Variants in LRMDA observed in about 807,000 individuals in gnomAD.
LRMDA encodes leucine-rich melanocyte differentiation-associated protein.
LRMDA carries 18 observed loss-of-function variants against 29.8 expected under a neutral mutation model. The observed-to-expected ratio is 0.60, with a 90% CI of 0.42 to 0.90. The LOEUF is 0.90. Among genes scored for constraint, LRMDA ranks in the 40% least tolerant of loss-of-function variants. LRMDA has a pLI of 0.00. For missense variants in LRMDA, 273 were observed against 273.9 expected (o/e 1.00, Z 0.02); for synonymous variants, 125 against 109.4 (o/e 1.14, Z -0.89).
At chr10:76,361,697 A>C (rs1443107382) in intron 6 of LRMDA, among the ~76,000 whole-genome samples, 1 of 152,218 alleles carries the variant, frequency 6.6e-6, no homozygotes, top group Non-Finnish European at 1.5e-5. Context: ...GAGCAAATGC[A>C]CCAAAGAACA....
chr10:76,250,872 A>G (rs746456019), intron 5 of LRMDA, among the ~76,000 whole-genome samples: 6 of 152,186 alleles, frequency 3.9e-5, no homozygotes, highest in Non-Finnish European at 5.9e-5. Context: ...CCTCTCTGCT[A>G]TCAATCAGAG....
intron 2 of LRMDA, among the ~76,000 whole-genome samples, chr10:75,648,178 G>A (rs1408074909): frequency 6.6e-6 from 1 of 152,094 alleles, no homozygotes; most frequent in Non-Finnish European, 1.5e-5. Flanking sequence ...GTTAGGCAGG[G>A]GCTGTTCTCT....
chr10:75,720,718 T>A (rs1842556300), intron 2 of LRMDA, among the ~76,000 whole-genome samples: 1 of 152,218 alleles, frequency 6.6e-6, no homozygotes. Flanking sequence ...ATCCTTTTAA[T>A]CACAGCTCGC....
intron 5 of LRMDA, among the ~76,000 whole-genome samples, chr10:76,234,168 G>A (rs1184296536): frequency 1.3e-5 from 2 of 152,198 alleles, no homozygotes; most frequent in East Asian, 1.9e-4. Flanking sequence ...GTGTGAGGAG[G>A]CATTAAAACA....
chr10:75,434,560 C>T (rs769466354), intron 1 of LRMDA, among the ~76,000 whole-genome samples: 10 of 152,192 alleles, frequency 6.6e-5, no homozygotes, highest in African/African-American at 1.4e-4. Context: ...GTTTCTACTC[C>T]GACAGCTTCC....
chr10:76,550,941 G>T (rs1168343878), intron 6 of LRMDA, among the ~76,000 whole-genome samples: 1 of 152,202 alleles, frequency 6.6e-6, no homozygotes. Context: ...GATAGCCACA[G>T]CAGAGCTGAT....
At chr10:75,629,609 A>T (rs1841297901) in intron 2 of LRMDA, among the ~76,000 whole-genome samples, 1 of 83,734 alleles carries the variant, frequency 1.2e-5, no homozygotes. Flanking sequence ...ATGAGCATTA[A>T]GTCCTCTTTT....
At chr10:76,378,808 C>T (rs1589157871) in intron 6 of LRMDA, among the ~76,000 whole-genome samples, 1 of 150,254 alleles carries the variant, frequency 6.7e-6, no homozygotes, top group Admixed American at 6.6e-5. Flanking sequence ...CATCTATGTA[C>T]ATCAGGAGTA....
At chr10:75,676,809 A>G (rs1164635120) in intron 2 of LRMDA, among the ~76,000 whole-genome samples, 2 of 152,026 alleles carry the variant, frequency 1.3e-5, no homozygotes, top group East Asian at 1.9e-4. Context: ...TACCTGACCA[A>G]TGTATCTCCA....
chr10:76,344,820 T>G (rs1841082384), intron 6 of LRMDA, among the ~76,000 whole-genome samples: 1 of 151,200 alleles, frequency 6.6e-6, no homozygotes, highest in African/African-American at 2.4e-5. Flanking sequence ...GGGGGACATA[T>G]AATAGGTATT....
At chr10:76,143,966 T>A (rs918456865) in intron 5 of LRMDA, among the ~76,000 whole-genome samples, 2 of 152,184 alleles carry the variant, frequency 1.3e-5, no homozygotes, top group Non-Finnish European at 2.9e-5. Context: ...CCCCATTGCT[T>A]GTTTTTGTCA....
chr10:75,960,368 A>C, intron 2 of LRMDA, among the ~76,000 whole-genome samples: 1 of 148,970 alleles, frequency 6.7e-6, no homozygotes, highest in East Asian at 1.9e-4. Context: ...AACAACAACA[A>C]AAAACCCACA....
intron 2 of LRMDA, chr10:75,783,019 A>G (rs747529873): frequency 5.6e-6 from 9 of 1,614,094 alleles, no homozygotes; most frequent in Non-Finnish European, 5.1e-6. Flanking sequence ...TCTTCAAATA[A>G]AAGGTTAGCC....
chr10:76,044,480 G>A (rs1848396123), intron 3 of LRMDA, among the ~76,000 whole-genome samples: 1 of 146,020 alleles, frequency 6.8e-6, no homozygotes, highest in African/African-American at 2.5e-5. Flanking sequence ...AGTAATGACT[G>A]TGAAGTATTT....
chr10:76,247,413 G>T (rs1852396345), intron 5 of LRMDA, among the ~76,000 whole-genome samples: 1 of 152,082 alleles, frequency 6.6e-6, no homozygotes, highest in Non-Finnish European at 1.5e-5. Flanking sequence ...TAGTTGAAGG[G>T]GACTGAGCAA....
chr10:76,121,778 A>G (rs577321571), intron 5 of LRMDA, among the ~76,000 whole-genome samples: 28 of 152,302 alleles, frequency 1.8e-4, no homozygotes, highest in Middle Eastern at 3.4e-3. Context: ...ACAGGAATCA[A>G]TGTATTTTAT....
At chr10:75,677,750 G>A (rs116093996) in intron 2 of LRMDA, among the ~76,000 whole-genome samples, 2,070 of 152,186 alleles carry the variant, frequency 0.014, 58 homozygotes, top group African/African-American at 0.047. Context: ...ATTTTGGCTT[G>A]GAGTCTTATA....
intron 3 of LRMDA, among the ~76,000 whole-genome samples, chr10:76,044,088 G>A (rs1848387033): frequency 6.6e-6 from 1 of 152,236 alleles, no homozygotes; most frequent in Non-Finnish European, 1.5e-5. Flanking sequence ...GCCAGAAGCA[G>A]TAGTCAGCTT....
At chr10:76,119,101 G>A (rs1292982458) in intron 5 of LRMDA, among the ~76,000 whole-genome samples, 1 of 152,026 alleles carries the variant, frequency 6.6e-6, no homozygotes. Flanking sequence ...TGAGAGGCTT[G>A]TAGTGAACAT....
Sources: allele counts gnomAD v4.1 joint callset (sites outside exome capture counted in the v4.1 genomes callset), GRCh38; gene constraint gnomAD v4.1.1; transcripts MANE v1.5; gene names NCBI Gene and HGNC (gene_info 2026-07-23, HGNC 2026-07-21).